Variants in ANKH observed in about 807,000 individuals in gnomAD.
ANKH encodes mineralization regulator ANKH.
A neutral mutation model predicts 49.0 loss-of-function variants in ANKH; 15 were observed. The observed-to-expected ratio is 0.31, with a 90% CI of 0.20 to 0.47. ANKH has a LOEUF of 0.47. ANKH is among the 20% of genes least tolerant of loss of function. The pLI is 1.00. For synonymous variants in ANKH, 273 were observed against 260.0 expected (o/e 1.05, Z -0.48); for missense variants, 429 against 652.0 (o/e 0.66, Z 3.72).
At position 14,768,637 on chromosome 5, in the gene ANKH, T is replaced by C. The variant is rs1190267018; in HGVS notation, c.313+338A>G. The C allele has an allele frequency of 8.0e-5, 28 of 351,154 alleles. No homozygotes were observed. The East Asian group carries it at 1.4e-3, about 17-fold the overall frequency. 21.8% of individuals were successfully genotyped at this position (351,154 alleles called of 1,614,324 possible). ...GTCATTCTATTTTTATTCTTAAGAT[T>C]TAATGACCCAGTACAATGACGCACA... On this transcript the variant is annotated intron_variant, in intron 2 of 11. Coordinates refer to ENST00000284268, the MANE Select transcript of ANKH (RefSeq NM_054027.6).
chr5:14,740,394 CCA>C (rs1177838234), intron 8 of ANKH, among the ~76,000 whole-genome samples: 3 of 152,220 alleles, frequency 2.0e-5, no homozygotes, highest in Non-Finnish European at 2.9e-5. Flanking sequence ...AGCTTGGGCA[CCA>C]CAGAGAGAAA....
intron 2 of ANKH, among the ~76,000 whole-genome samples, chr5:14,764,226 G>A (rs994436930): frequency 2.0e-5 from 3 of 152,146 alleles, no homozygotes; most frequent in South Asian, 2.1e-4. Context: ...TATTCCCCTC[G>A]CCTTGAATCT....
At chr5:14,719,010 A>T (rs936129571) in intron 8 of ANKH, among the ~76,000 whole-genome samples, 13 of 152,138 alleles carry the variant, frequency 8.5e-5, no homozygotes, top group African/African-American at 3.1e-4. Flanking sequence ...AAATAATAGG[A>T]GTTCTGGAAA....
At chr5:14,760,151 G>A (rs1739031273) in intron 2 of ANKH, among the ~76,000 whole-genome samples, 2 of 152,142 alleles carry the variant, frequency 1.3e-5, no homozygotes, top group Admixed American at 1.3e-4. Flanking sequence ...AAGGTGCCAG[G>A]TGTGGTAGTA....
chr5:14,796,583 C>T (rs758704359), intron 1 of ANKH, among the ~76,000 whole-genome samples: 3 of 151,242 alleles, frequency 2.0e-5, no homozygotes, highest in Non-Finnish European at 2.9e-5. Flanking sequence ...GAAAGAGGAA[C>T]GTGCTGTTTT....
At chr5:14,777,142 G>A (rs989322298) in intron 1 of ANKH, among the ~76,000 whole-genome samples, 2 of 61,722 alleles carry the variant, frequency 3.2e-5, no homozygotes, top group East Asian at 6.5e-4. Context: ...AAAGTTAGCC[G>A]GGCGTGGTGG....
intron 2 of ANKH, among the ~76,000 whole-genome samples, chr5:14,765,969 G>A (rs940012702): frequency 3.9e-5 from 6 of 152,106 alleles, no homozygotes; most frequent in African/African-American, 1.4e-4. Flanking sequence ...CATCCAGACT[G>A]GGGGAAAAAA....
chr5:14,843,303 G>A (rs945981365), intron 1 of ANKH, among the ~76,000 whole-genome samples: 1 of 151,574 alleles, frequency 6.6e-6, no homozygotes, highest in Non-Finnish European at 1.5e-5. Context: ...AGCCTCCTGA[G>A]TAGCTGGGAC....
At chr5:14,771,948 C>CAAAACAAAA (rs1307001366) in intron 1 of ANKH, among the ~76,000 whole-genome samples, 12 of 126,274 alleles carry the variant, frequency 9.5e-5, no homozygotes, top group Non-Finnish European at 1.3e-4. Flanking sequence ...AAAAAAAAAA[C>CAAAACAAAA]CAAAACAAAA....
intron 2 of ANKH, chr5:14,768,664 A>C (rs1739326491): frequency 2.2e-6 from 1 of 458,706 alleles, no homozygotes; most frequent in Non-Finnish European, 4.0e-6. Flanking sequence ...TGACGCACAC[A>C]TATCTCTAAC....
chr5:14,866,805 G>GA (rs1167410278), intron 1 of ANKH, among the ~76,000 whole-genome samples: 2 of 152,110 alleles, frequency 1.3e-5, no homozygotes, highest in Non-Finnish European at 2.9e-5. Context: ...TTCTTAAAAT[G>GA]AACTTCTTGG....
At chr5:14,818,063 CAA>C (rs34516771) in intron 1 of ANKH, among the ~76,000 whole-genome samples, 43 of 72,600 alleles carry the variant, frequency 5.9e-4, no homozygotes, top group East Asian at 1.1e-3. Context: ...GACTTTGTCT[CAA>C]AAAAAAAAAA....
chr5:14,802,210 C>T (rs772498796), intron 1 of ANKH, among the ~76,000 whole-genome samples: 27 of 152,022 alleles, frequency 1.8e-4, no homozygotes, highest in Non-Finnish European at 3.2e-4. Context: ...TCATTTAGTC[C>T]CTGACACTCC....
chr5:14,741,237 T>C (rs529332743), intron 8 of ANKH: 1 of 155,688 alleles, frequency 6.4e-6, no homozygotes, highest in South Asian at 2.0e-4. Flanking sequence ...ATGGGCTTCA[T>C]AACGAAGGAT....
chr5:14,759,785 AGAGGG>A (rs1327803614), intron 2 of ANKH, among the ~76,000 whole-genome samples: 7 of 97,616 alleles, frequency 7.2e-5, no homozygotes, highest in African/African-American at 2.9e-4. Context: ...AAAGAAGAGG[AGAGGG>A]GAGGGGAGGG....
chr5:14,817,477 T>C (rs1269419342), intron 1 of ANKH, among the ~76,000 whole-genome samples: 14 of 152,136 alleles, frequency 9.2e-5, no homozygotes, highest in African/African-American at 3.4e-4. Context: ...TGGAGTACAA[T>C]TGTCATGTTA....
At chr5:14,859,605 C>T (rs1010490437) in intron 1 of ANKH, among the ~76,000 whole-genome samples, 2 of 152,178 alleles carry the variant, frequency 1.3e-5, no homozygotes, top group African/African-American at 2.4e-5. Context: ...AATAACAATG[C>T]ACATGTGTCA....
Position 14,711,099 on chromosome 5 carries a change from CAAAAA to C in ANKH, c.*93_*97del, listed in dbSNP as rs771729890. On this transcript the variant is annotated 3_prime_UTR_variant, in exon 12 of 12. Transcript: ENST00000284268. Reference sequence around the variant, plus strand: ...GGCCTCTTTCATTACCAAAACAAAACAAAAAAAAGGGAACAAAATACGATGGGAGA... The same window carrying C: ...GGCCTCTTTCATTACCAAAACAAAACAAAGGGAACAAAATACGATGGGAGA... 8.8e-6 allele frequency: 10 copies of C among 1,135,526 alleles called. No individual in the cohort carries two copies. Among genetic ancestry groups the C allele is most frequent in the Non-Finnish European group, 1.3e-5 (10 of 749,448 alleles). The allele number at this position is 1,135,526 out of a possible 1,614,324, so 70.3% of individuals were successfully genotyped here. A position where few individuals can be genotyped will look rare whatever the true frequency, so the allele number is the denominator to read the frequency against.
At position 14,822,817 on chromosome 5, in the gene ANKH, C is replaced by T. The variant is rs150299965; in HGVS notation, c.96+48535G>A. Among the ~76,000 whole-genome samples the T allele has an allele frequency of 3.3e-5, 5 of 152,254 alleles. No individual in the cohort carries two copies. In the East Asian group the frequency reaches 5.8e-4, roughly 18 times the overall value. On this transcript the variant is annotated intron_variant, in intron 1 of 11. Transcript: ENST00000284268. ...ATCCCAGCACTTTGGGAGGCCGAGG[C>T]GGGTGGACCACGAGGTCAGGAGATC...
Sources: allele counts gnomAD v4.1 joint callset (sites outside exome capture counted in the v4.1 genomes callset), GRCh38; gene constraint gnomAD v4.1.1; transcripts MANE v1.5; gene names NCBI Gene and HGNC (gene_info 2026-07-23, HGNC 2026-07-21).